Variants in CACNA1A observed in about 807,000 individuals in gnomAD.
CACNA1A encodes the protein calcium voltage-gated channel subunit alpha1 A.
Under a neutral mutation model 262.4 loss-of-function variants are expected in CACNA1A, and 57 were observed. The observed-to-expected ratio is 0.22, with a 90% CI of 0.18 to 0.27. CACNA1A has a LOEUF of 0.27. Ranked by LOEUF, CACNA1A falls within the 10% of genes least tolerant of loss-of-function variation. CACNA1A has a pLI of 1.00. For missense variants in CACNA1A, 2,526 were observed against 3,562.8 expected (o/e 0.71, Z 7.41); for synonymous variants, 1,431 against 1,419.3 (o/e 1.01, Z -0.18).
chr19:13,237,898 G>A (rs2055930851), intron 31 of CACNA1A, among the ~76,000 whole-genome samples: 1 of 152,180 alleles, frequency 6.6e-6, no homozygotes, highest in Non-Finnish European at 1.5e-5. Flanking sequence ...CATAACATGT[G>A]GACTCGGCCA....
In CACNA1A at chr19:13,241,704, AAC is replaced by A. The variant is rs1197453956; in HGVS notation, c.4950+3476_4950+3477del. Among the ~76,000 whole-genome samples, 2 of 152,116 alleles carry A rather than the reference AAC, an allele frequency of 1.3e-5. No individual in the cohort carries two copies. Among genetic ancestry groups the A allele is most frequent in the Non-Finnish European group, 2.9e-5 (2 of 68,030 alleles). The stretch of plus-strand genomic sequence containing the variant: ...TTGGGAGATAAGTCATTGGTGTATG[AAC>A]ACACAGACCATGTCATGGATGAACA... On this transcript the variant is annotated intron_variant, in intron 31 of 46. Coordinates refer to ENST00000360228, the MANE Select transcript of CACNA1A (RefSeq NM_001127222.2). The surrounding 1 kb of genome is among the most constrained non-coding windows in gnomAD (Gnocchi z 4.0).
rs1038305693 is a variant in CACNA1A, at chr19:13,214,720, C to T, written c.5732-112G>A. ...AACGAGACCCCAATCTTTCTGGTCC[C>T]CATGGGGTCTCCAGTTCCCCAACGG... On this transcript the variant is annotated intron_variant, in intron 38 of 46. Coordinates refer to ENST00000360228, the MANE Select transcript of CACNA1A (RefSeq NM_001127222.2). This position sits in a 1 kb window ranked among gnomAD's most constrained non-coding sequence, Gnocchi z 4.1. 7.5e-6 allele frequency: 6 copies of T among 802,046 alleles called. No individual in the cohort carries two copies. The East Asian group carries it at 1.6e-4, about 21-fold the overall frequency. The allele number at this position is 802,046 out of a possible 1,614,324, so 49.7% of individuals were successfully genotyped here. A position where few individuals can be genotyped will look rare whatever the true frequency, so the allele number is the denominator to read the frequency against.
intron 11 of CACNA1A, among the ~76,000 whole-genome samples, chr19:13,314,989 A>G (rs1417781198): frequency 2.6e-5 from 4 of 152,148 alleles, no homozygotes; most frequent in African/African-American, 9.7e-5. Context: ...CTCAGTTACC[A>G]TGGAAACATG....
At position 13,285,074 on chromosome 19, in the gene CACNA1A, G is replaced by C; in HGVS notation, c.3686C>G (p.Thr1229Ser). The change falls in exon 21 of 47, where the codon ACC becomes AGC. Residue 1229 changes from threonine (T) to serine (S), a missense_variant. Around this residue, in one of 17 missense-constraint regions of CACNA1A, gnomAD observed 765 missense variants for 748.6 expected, o/e 1.02. Transcript: ENST00000360228. ...TGCTGGGGGCCATACTCACGGGTTG[G>C]TCGTGGACAGGATGAACATGGAGCT... ...PYSSMFILST[T>S]NPLRRLCHYI... 1 of 1,614,012 alleles carries C rather than the reference G, an allele frequency of 6.2e-7. No homozygotes were observed. The highest frequency in any genetic ancestry group is 1.1e-5 in the South Asian group (1 of 91,088).
chr19:13,500,503 T>G (rs2145170652), intron 1 of CACNA1A, among the ~76,000 whole-genome samples: 1 of 152,334 alleles, frequency 6.6e-6, no homozygotes, highest in Non-Finnish European at 1.5e-5. Context: ...TTTCCATAGA[T>G]CCACATCCTT....
chr19:13,234,792 G>C, intron 34 of CACNA1A, 129 bp downstream of exon 34: 1 of 686,076 alleles, frequency 1.5e-6, no homozygotes, highest in South Asian at 1.8e-5. Flanking sequence ...GCGCGCCCCT[G>C]CCAGAAGAGA....
intron 3 of CACNA1A, chr19:13,451,327 G>A (rs994792339): frequency 3.3e-5 from 5 of 152,328 alleles, no homozygotes; most frequent in African/African-American, 1.2e-4. Flanking sequence ...ACAGAACCTG[G>A]AGCAGCAACA....
chr19:13,344,057 T>A (rs2058718986), intron 6 of CACNA1A, among the ~76,000 whole-genome samples: 1 of 150,140 alleles, frequency 6.7e-6, no homozygotes, highest in Admixed American at 6.6e-5. Context: ...AAAATAAAAA[T>A]AAAAAAATTA....
chr19:13,427,876 C>T lies in CACNA1A; in HGVS notation c.539+25000G>A, dbSNP rs114706742. 2.7e-3 allele frequency among the ~76,000 whole-genome samples: 412 copies of T among 152,260 alleles called. 1 individual carries two copies. The highest frequency in any genetic ancestry group is 9.4e-3 in the African/African-American group (392 of 41,546). ...CTCTACCACTCCGTAGCTGTGTGAC[C>T]TTTGGACAGTTACTTAACCTCTCTG... On this transcript the variant is annotated intron_variant, in intron 3 of 46. Coordinates refer to ENST00000360228, the MANE Select transcript of CACNA1A (RefSeq NM_001127222.2).
At chr19:13,417,227 C>T (rs540386769) in intron 3 of CACNA1A, among the ~76,000 whole-genome samples, 13 of 152,282 alleles carry the variant, frequency 8.5e-5, no homozygotes, top group South Asian at 4.1e-4. Context: ...AGCTTGCATC[C>T]GGAGGGCTGG....
At chr19:13,239,546 T>G (rs995138798) in intron 31 of CACNA1A, among the ~76,000 whole-genome samples, 1 of 152,160 alleles carries the variant, frequency 6.6e-6, no homozygotes, top group Non-Finnish European at 1.5e-5. Context: ...TAGGGGCTCA[T>G]TAAATGTTTG....
At chr19:13,479,711 C>T (rs973410583) in intron 1 of CACNA1A, among the ~76,000 whole-genome samples, 14 of 152,220 alleles carry the variant, frequency 9.2e-5, no homozygotes, top group Admixed American at 6.5e-5. Flanking sequence ...ACAAACAAGC[C>T]TGGAGTCAGG....
chr19:13,245,528 G>T (rs2056205919), intron 30 of CACNA1A: 3 of 521,006 alleles, frequency 5.8e-6, no homozygotes, highest in South Asian at 4.6e-5. Context: ...CAGGGCTGGG[G>T]CTGCTCTTCA....
intron 3 of CACNA1A, among the ~76,000 whole-genome samples, chr19:13,375,299 T>C (rs780610075): frequency 5.9e-5 from 9 of 152,180 alleles, no homozygotes; most frequent in Non-Finnish European, 1.3e-4. Context: ...CTGACTGCTC[T>C]ACCAACTGGC....
chr19:13,347,194 G>T (rs575938313), intron 6 of CACNA1A, among the ~76,000 whole-genome samples: 1 of 151,606 alleles, frequency 6.6e-6, no homozygotes, highest in African/African-American at 2.4e-5. Flanking sequence ...AAGTAGCTGG[G>T]CCTACAGGCA....
At chr19:13,240,570 G>T (rs1345356522) in intron 31 of CACNA1A, among the ~76,000 whole-genome samples, 2 of 151,798 alleles carry the variant, frequency 1.3e-5, no homozygotes, top group African/African-American at 4.8e-5. Flanking sequence ...TAGTGACTGT[G>T]TGTCCAGTTT....
chr19:13,466,742 C>T (rs186427153), intron 1 of CACNA1A, among the ~76,000 whole-genome samples: 2 of 152,014 alleles, frequency 1.3e-5, no homozygotes, highest in African/African-American at 4.8e-5. Context: ...TCCTTGTGCA[C>T]TTGTGAGAAT....
Position 13,332,853 on chromosome 19 carries a change from G to A in CACNA1A, c.1255+16C>T. On this transcript the variant is annotated intron_variant, in intron 9 of 46. Transcript: ENST00000360228. ...TCCCCTGGGACCCACCCCTGAGGTG[G>A]GTTTAGAGCAGTTACCATCAAAGGG... 1.9e-6 allele frequency: 3 copies of A among 1,593,872 alleles called. No homozygotes were observed. Among genetic ancestry groups the A allele is most frequent in the South Asian group, 1.1e-5 (1 of 90,562 alleles).
chr19:13,427,705 T>A (rs931886464), intron 3 of CACNA1A, among the ~76,000 whole-genome samples: 2 of 152,098 alleles, frequency 1.3e-5, no homozygotes, highest in African/African-American at 2.4e-5. Context: ...GTTAAGGGCA[T>A]GGCACATAAC....
Sources: gnomAD v4.1 joint callset for allele counts (sites outside exome capture counted in the v4.1 genomes callset) on GRCh38, gnomAD v4.1.1 for gene constraint, gnomAD v4.1.1 regional missense constraint, Gnocchi (gnomAD v3.1) non-coding constraint, MANE v1.5 for transcripts, NCBI Gene and HGNC (gene_info 2026-07-23, HGNC 2026-07-21) for gene names.